Variants in LARP6 observed in about 807,000 individuals in gnomAD.
LARP6 encodes the protein La ribonucleoprotein 6, translational regulator, also known as la-related protein 6.
In LARP6, 18 loss-of-function variants were observed where a neutral mutation model predicts 32.8. The observed-to-expected ratio is 0.55, with a 90% CI of 0.38 to 0.81. The LOEUF (loss-of-function observed/expected upper bound fraction) is 0.81. Among genes scored for constraint, LARP6 ranks in the 40% least tolerant of loss-of-function variants. LARP6 has a pLI of 0.00. For missense variants in LARP6, 598 were observed against 663.1 expected, an observed-to-expected ratio of 0.90 and a Z score of 1.08; for synonymous variants, 289 against 267.2, an observed-to-expected ratio of 1.08 and a Z score of -0.80.
chr15:70,836,809 A>C (rs770960739), intron 1 of LARP6, among the ~76,000 whole-genome samples: 4 of 152,128 alleles, frequency 2.6e-5, no homozygotes, highest in Non-Finnish European at 4.4e-5. Context: ...AATGCCAAAG[A>C]CTGCCACCAG....
intron 2 of LARP6, among the ~76,000 whole-genome samples, chr15:70,834,255 A>C (rs1192422652): frequency 1.3e-5 from 2 of 152,192 alleles, no homozygotes; most frequent in African/African-American, 4.8e-5. Flanking sequence ...CTAGAGAGAG[A>C]GCACTGTCCA....
chr15:70,834,464 G>T (rs2032111278), intron 2 of LARP6, among the ~76,000 whole-genome samples: 2 of 152,230 alleles, frequency 1.3e-5, no homozygotes, highest in African/African-American at 4.8e-5. Context: ...GCTCACTGTG[G>T]GGTGAAACAT....
At chr15:70,839,471 A>G (rs1248482690) in intron 1 of LARP6, among the ~76,000 whole-genome samples, 4 of 152,042 alleles carry the variant, frequency 2.6e-5, no homozygotes, top group Admixed American at 6.6e-5. Flanking sequence ...TGAAGAAAAT[A>G]ATAGGGAGAC....
Position 70,851,763 on chromosome 15 carries a change from G to A in LARP6, c.200+2126C>T, listed in dbSNP as rs1363353067. 6 of 1,613,466 alleles carry A rather than the reference G, an allele frequency of 3.7e-6. No homozygotes were observed. The African/African-American group carries it at 8.0e-5, about 22-fold the overall frequency. ...TGATAGAATCACAATTGTGGAAGGT[G>A]CTAGGCATAAAATGTACAGAGTACT... On this transcript the variant is annotated intron_variant, in intron 1 of 2. Coordinates refer to ENST00000299213, the MANE Select transcript of LARP6 (RefSeq NM_018357.4).
intron 2 of LARP6, among the ~76,000 whole-genome samples, chr15:70,835,986 T>C (rs750299291): frequency 6.6e-6 from 1 of 152,170 alleles, no homozygotes; most frequent in Non-Finnish European, 1.5e-5. Flanking sequence ...TCTGTCCTGG[T>C]ATCACATCCT....
intron 1 of LARP6, chr15:70,852,143 C>A: frequency 2.8e-6 from 1 of 355,224 alleles, no homozygotes; most frequent in Non-Finnish European, 5.6e-6. Context: ...GAGCCTGGGT[C>A]CAAACAGGGG....
chr15:70,853,211 A>C (rs2032525864), intron 1 of LARP6: 1 of 139,340 alleles, frequency 7.2e-6, no homozygotes, highest in African/African-American at 2.8e-5. Flanking sequence ...AAAACCCAGG[A>C]ACACCCCCCC....
At chr15:70,847,350 G>A (rs189962702) in intron 1 of LARP6, among the ~76,000 whole-genome samples, 13 of 151,966 alleles carry the variant, frequency 8.6e-5, no homozygotes, top group Non-Finnish European at 1.5e-4. Flanking sequence ...CAGGTAATTG[G>A]GTTCCATGAA....
In LARP6 at chr15:70,854,143, C is replaced by G; in HGVS notation, c.-55G>C. 3 of 1,185,536 alleles carry G rather than the reference C, an allele frequency of 2.5e-6. No individual in the cohort carries two copies. The highest frequency in any genetic ancestry group is 4.1e-5 in the South Asian group (1 of 24,556). The allele number at this position is 1,185,536 out of a possible 1,614,324, so 73.4% of individuals were successfully genotyped here. On this transcript the variant is annotated 5_prime_UTR_variant, in exon 1 of 3. Transcript: ENST00000299213. ...CCTCACGCCGCAAGGCCCAGCCAGCCGGTCGGCAGCGACTGCGACGAGGGG... is the reference window on the plus strand; with the variant it reads ...CCTCACGCCGCAAGGCCCAGCCAGCGGGTCGGCAGCGACTGCGACGAGGGG...
intron 1 of LARP6, among the ~76,000 whole-genome samples, chr15:70,851,109 T>C (rs2032439775): frequency 6.6e-6 from 1 of 152,182 alleles, no homozygotes; most frequent in African/African-American, 2.4e-5. Context: ...TATTAGGGAA[T>C]GATAGTTAAT....
At chr15:70,834,444 C>T (rs887245523) in intron 2 of LARP6, among the ~76,000 whole-genome samples, 13 of 152,198 alleles carry the variant, frequency 8.5e-5, no homozygotes, top group South Asian at 8.3e-4. Context: ...TGTGGGAAAG[C>T]CAGGCAGTGG....
chr15:70,840,199 A>T (rs916039765), intron 1 of LARP6, among the ~76,000 whole-genome samples: 1 of 152,220 alleles, frequency 6.6e-6, no homozygotes, highest in Non-Finnish European at 1.5e-5. Flanking sequence ...GGACAGAACA[A>T]ATTTCACTTT....
intron 1 of LARP6, chr15:70,851,885 C>A: frequency 9.1e-7 from 1 of 1,100,440 alleles, no homozygotes; most frequent in Admixed American, 2.4e-5. Flanking sequence ...GACTAGAAAT[C>A]AGTCAATCAG....
chr15:70,845,797 G>A (rs976113082), intron 1 of LARP6, among the ~76,000 whole-genome samples: 1 of 152,218 alleles, frequency 6.6e-6, no homozygotes, highest in Non-Finnish European at 1.5e-5. Context: ...ATGTACACAG[G>A]TGGGGCATGC....
In LARP6 at chr15:70,854,083, G is replaced by C; in HGVS notation, c.6C>G (p.Ala2=). M[A]QSGGEARPGP... ...CGGGCCGAGCCTCCCCGCCGGACTG[G>C]GCCATGGCTCGCGGGACTGCGGCGC... Residue 2 remains alanine, a synonymous_variant, in exon 1 of 3, where the codon GCC becomes GCG. Transcript: ENST00000299213. The C allele has an allele frequency of 7.6e-7, 1 of 1,319,412 alleles. No individual in the cohort carries two copies. Among genetic ancestry groups the C allele is most frequent in the Non-Finnish European group, 9.7e-7 (1 of 1,028,590 alleles). 81.7% of individuals were successfully genotyped at this position (1,319,412 alleles called of 1,614,324 possible). A position where few individuals can be genotyped will look rare whatever the true frequency, so the allele number is the denominator to read the frequency against.
chr15:70,836,199 G>T, intron 2 of LARP6, 96 bp downstream of exon 2: 1 of 966,624 alleles, frequency 1.0e-6, no homozygotes, highest in Non-Finnish European at 1.6e-6. Flanking sequence ...AAAATTGTTC[G>T]TCATCAGGTT....
chr15:70,848,667 G>T (rs1158917814), intron 1 of LARP6, among the ~76,000 whole-genome samples: 3 of 152,080 alleles, frequency 2.0e-5, no homozygotes, highest in Non-Finnish European at 2.9e-5. Flanking sequence ...GGGAGGCGGA[G>T]GTTGCAGTGA....
At chr15:70,844,603 G>C (rs2032315568) in intron 1 of LARP6, among the ~76,000 whole-genome samples, 1 of 152,126 alleles carries the variant, frequency 6.6e-6, no homozygotes, top group Non-Finnish European at 1.5e-5. Context: ...TTGTCTCAAA[G>C]TCCTATTAGT....
In LARP6 at chr15:70,830,497, A is replaced by G. The variant is rs986183275; in HGVS notation, c.*1555T>C. 2.0e-5 allele frequency: 3 copies of G among 152,330 alleles called. No homozygotes were observed. Among genetic ancestry groups the G allele is most frequent in the East Asian group, 1.9e-4 (1 of 5,190 alleles). The allele number at this position is 152,330 out of a possible 1,614,324, so 9.4% of individuals were successfully genotyped here. A position where few individuals can be genotyped will look rare whatever the true frequency, so the allele number is the denominator to read the frequency against. On this transcript the variant is annotated 3_prime_UTR_variant, in exon 3 of 3. Transcript: ENST00000299213. ...ATAGTAAAGATCAGAAATGTTGAGT[A>G]CCACTTAGTGGTTAAACAGTGTGGG...
Sources: gnomAD v4.1 joint callset for allele counts (sites outside exome capture counted in the v4.1 genomes callset) on GRCh38, gnomAD v4.1.1 for gene constraint, MANE v1.5 for transcripts, NCBI Gene and HGNC (gene_info 2026-07-23, HGNC 2026-07-21) for gene names.